RBFOX3: variants seen among roughly 807,000 people sequenced by gnomAD.
RBFOX3 encodes the protein RNA binding fox-1 homolog 3.
RBFOX3 carries 17 observed loss-of-function variants against 48.7 expected under a neutral mutation model. The ratio of observed to expected loss-of-function variants is 0.35; its 90% confidence interval spans 0.24 to 0.52. RBFOX3 has a LOEUF of 0.52. Ranked by LOEUF, RBFOX3 falls within the 20% of genes least tolerant of loss-of-function variation. The pLI is 0.94. For synonymous variants in RBFOX3, 212 were observed against 209.5 expected, an observed-to-expected ratio of 1.01 and a Z score of -0.10; for missense variants, 382 against 497.5, an observed-to-expected ratio of 0.77 and a Z score of 2.21.
Position 79,475,730 on chromosome 17 carries a change from C to A in RBFOX3, c.-175+6724G>T, listed in dbSNP as rs797043929. On this transcript the variant is annotated intron_variant, in intron 2 of 14. Transcript: ENST00000693108. ...CAGGAAGGTCGTGCGCGACAGGATA[C>A]ACAGGCATGGGGGTGGGGTTGCCTC... Among the ~76,000 whole-genome samples, 186 of 152,298 alleles carry A rather than the reference C, an allele frequency of 1.2e-3. 1 individual carries two copies. Among genetic ancestry groups the A allele is most frequent in the African/African-American group, 4.3e-3 (179 of 41,560 alleles).
intron 2 of RBFOX3, among the ~76,000 whole-genome samples, chr17:79,388,002 G>A (rs11658692): frequency 0.24 from 13,659 of 57,018 alleles, 788 homozygotes; most frequent in Non-Finnish European, 0.32. Flanking sequence ...GAATGTGTAC[G>A]TGTGTGTGTG....
intron 3 of RBFOX3, among the ~76,000 whole-genome samples, chr17:79,271,084 T>C (rs1304229455): frequency 4.5e-5 from 1 of 22,336 alleles, no homozygotes; most frequent in Non-Finnish European, 1.3e-4. Flanking sequence ...AAGATTTTTT[T>C]TTTTTTTTGA....
chr17:79,498,707 C>T (rs2081950515), intron 1 of RBFOX3, among the ~76,000 whole-genome samples: 1 of 151,206 alleles, frequency 6.6e-6, no homozygotes, highest in Admixed American at 6.6e-5. Flanking sequence ...CCTACTCATG[C>T]AGCCATCCTT....
At chr17:79,442,271 G>C (rs1555735372) in intron 2 of RBFOX3, among the ~76,000 whole-genome samples, 1 of 29,474 alleles carries the variant, frequency 3.4e-5, no homozygotes, top group Non-Finnish European at 7.2e-5. Flanking sequence ...GAGAGAGAGA[G>C]AGAGAGAGAG....
chr17:79,106,800 G>A lies in RBFOX3; in HGVS notation c.223-12C>T. On this transcript the variant is annotated splice_polypyrimidine_tract_variant and intron_variant, in intron 5 of 14. Coordinates refer to ENST00000693108, the MANE Select transcript of RBFOX3 (RefSeq NM_001350451.2). ...GCCTCGTCTGTCTGCTGCAGGGAGA[G>A]GACTGGGCTGTGGAGGCTGCCTCTG... is the stretch of plus-strand genomic sequence containing the variant. 6.6e-7 allele frequency: 1 copy of A among 1,506,972 alleles called. No individual in the cohort carries two copies. The highest frequency in any genetic ancestry group is 8.8e-7 in the Non-Finnish European group (1 of 1,131,110). 93.4% of individuals were successfully genotyped at this position (1,506,972 alleles called of 1,614,324 possible).
rs150897868 is a variant in RBFOX3, at chr17:79,459,202, G to A, written c.-175+23252C>T. 2.3e-3 allele frequency among the ~76,000 whole-genome samples: 343 copies of A among 152,278 alleles called. 1 individual carries two copies. Among genetic ancestry groups the A allele is most frequent in the Non-Finnish European group, 4.1e-3 (281 of 68,014 alleles). On this transcript the variant is annotated intron_variant, in intron 2 of 14. Coordinates refer to ENST00000693108, the MANE Select transcript of RBFOX3 (RefSeq NM_001350451.2). ...CCCAGGTGGCTCTCAGAGTGCATAG[G>A]GACAGCAGCAATGCCGCAGCGTCAC...
intron 3 of RBFOX3, among the ~76,000 whole-genome samples, chr17:79,278,220 C>T (rs1050708191): frequency 3.9e-5 from 6 of 152,184 alleles, no homozygotes; most frequent in Non-Finnish European, 7.4e-5. Flanking sequence ...CCCTGCTCCC[C>T]AGGCCTGACG....
At chr17:79,106,384 G>A (rs925851520) in intron 6 of RBFOX3, among the ~76,000 whole-genome samples, 5 of 152,118 alleles carry the variant, frequency 3.3e-5, no homozygotes, top group Admixed American at 1.3e-4. Context: ...GGGAGCAGGA[G>A]GGGTGGGGTT....
At chr17:79,455,231 A>G (rs962144910) in intron 2 of RBFOX3, among the ~76,000 whole-genome samples, 1 of 152,230 alleles carries the variant, frequency 6.6e-6, no homozygotes, top group Admixed American at 6.5e-5. Context: ...CAGCAGCCAC[A>G]AAAGGATCCA....
intron 4 of RBFOX3, among the ~76,000 whole-genome samples, chr17:79,117,559 G>T (rs1423521795): frequency 2.0e-5 from 3 of 152,208 alleles, no homozygotes; most frequent in Admixed American, 6.5e-5. Context: ...CCCTCTGCCG[G>T]GCTCCTGTGT....
At position 79,404,605 on chromosome 17, in the gene RBFOX3, C is replaced by T. The variant is rs1192100547; in HGVS notation, c.-175+77849G>A. Among the ~76,000 whole-genome samples, 10 of 152,278 alleles carry T rather than the reference C, an allele frequency of 6.6e-5. No homozygotes were observed. The East Asian group carries it at 9.7e-4, about 15-fold the overall frequency. Reference sequence around the variant, plus strand: ...GCCCACATCCAGGCCACCAGCTCCACGGACTCTCCTGTCCCTCCCCTCCCA... The same window carrying T: ...GCCCACATCCAGGCCACCAGCTCCATGGACTCTCCTGTCCCTCCCCTCCCA... On this transcript the variant is annotated intron_variant, in intron 2 of 14. Coordinates refer to ENST00000693108, the MANE Select transcript of RBFOX3 (RefSeq NM_001350451.2).
intron 1 of RBFOX3, among the ~76,000 whole-genome samples, chr17:79,493,737 T>C (rs936904401): frequency 2.0e-5 from 3 of 152,216 alleles, no homozygotes; most frequent in Non-Finnish European, 4.4e-5. Flanking sequence ...AAGTGCATGA[T>C]ATATCCTAGT....
At chr17:79,650,007 G>A in the RBFOX3 span, among the ~76,000 whole-genome samples, 2 of 152,156 alleles carry the variant, frequency 1.3e-5, no homozygotes, top group Non-Finnish European at 2.9e-5. Flanking sequence ...CCGGCCCCCT[G>A]ATCCAATCAC....
At chr17:79,507,807 G>A (rs2083393134) in intron 1 of RBFOX3, among the ~76,000 whole-genome samples, 1 of 152,184 alleles carries the variant, frequency 6.6e-6, no homozygotes, top group Non-Finnish European at 1.5e-5. Flanking sequence ...AGAGAACCAA[G>A]GCACGCACCA....
At chr17:79,581,044 G>A (rs988126710) in intron 1 of RBFOX3, among the ~76,000 whole-genome samples, 3 of 152,096 alleles carry the variant, frequency 2.0e-5, no homozygotes, top group Non-Finnish European at 2.9e-5. Context: ...TCAGGAGATC[G>A]AGACCTTCCT....
chr17:79,475,920 G>GA (rs1166987325), intron 2 of RBFOX3, among the ~76,000 whole-genome samples: 1 of 152,238 alleles, frequency 6.6e-6, no homozygotes, highest in Non-Finnish European at 1.5e-5. Context: ...TGGCCTCCAG[G>GA]AATTGGTGAG....
intron 3 of RBFOX3, among the ~76,000 whole-genome samples, chr17:79,270,310 C>T (rs1208831904): frequency 6.6e-6 from 1 of 152,200 alleles, no homozygotes. Flanking sequence ...AGAACCATCT[C>T]TGCAGGTGTA....
rs2044581880 is a variant in RBFOX3 at position 79,151,913 on chromosome 17, GGCGAGGATGGGAGGGGACCTACAGAGGGA to G, written c.-33-36194_-33-36166del. 6.4e-5 allele frequency among the ~76,000 whole-genome samples: 3 copies of G among 46,688 alleles called. 1 individual carries two copies. Among genetic ancestry groups the G allele is most frequent in the Non-Finnish European group, 1.1e-4 (2 of 17,856 alleles). The allele number at this position is 46,688 out of a possible 152,430, so 30.6% of individuals were successfully genotyped here. A position where few individuals can be genotyped will look rare whatever the true frequency, so the allele number is the denominator to read the frequency against. On this transcript the variant is annotated intron_variant, in intron 4 of 14. Coordinates refer to ENST00000693108, the MANE Select transcript of RBFOX3 (RefSeq NM_001350451.2). ...GGGGACCTGCAGGGGGAGGAGGGGA[GGCGAGGATGGGAGGGGACCTACAGAGGGA>G]GGCGCGGATGGGAGGTGCAGGGGGA...
chr17:79,182,516 C>A (rs1229010147), intron 4 of RBFOX3, among the ~76,000 whole-genome samples: 3 of 152,122 alleles, frequency 2.0e-5, no homozygotes, highest in African/African-American at 7.2e-5. Context: ...GGTGGCAGCG[C>A]AGGACCCCCG....
Sources: allele counts gnomAD v4.1 joint callset (sites outside exome capture counted in the v4.1 genomes callset), GRCh38; gene constraint gnomAD v4.1.1; transcripts MANE v1.5; gene names NCBI Gene and HGNC (gene_info 2026-07-23, HGNC 2026-07-21).